Variants in RNF180 observed in about 807,000 individuals in gnomAD.
The protein encoded by RNF180 is E3 ubiquitin-protein ligase RNF180.
RNF180 carries 38 observed loss-of-function variants against 59.2 expected under a neutral mutation model. The observed-to-expected ratio is 0.64, with a 90% CI of 0.50 to 0.84. The LOEUF is 0.84. RNF180 is among the 40% of genes least tolerant of loss of function. The pLI is 0.00. For synonymous variants in RNF180, 262 were observed against 240.3 expected, an observed-to-expected ratio of 1.09 and a Z score of -0.84; for missense variants, 705 against 700.9, an observed-to-expected ratio of 1.01 and a Z score of -0.07.
At chr5:64,290,298 A>G (rs1207797982) in intron 5 of RNF180, among the ~76,000 whole-genome samples, 2 of 152,202 alleles carry the variant, frequency 1.3e-5, no homozygotes, top group Non-Finnish European at 2.9e-5. Context: ...ACTTCCGATT[A>G]TTTGATCAAT....
At chr5:64,286,587 A>T (rs1279185023) in intron 5 of RNF180, among the ~76,000 whole-genome samples, 1 of 152,352 alleles carries the variant, frequency 6.6e-6, no homozygotes, top group East Asian at 1.9e-4. Context: ...TTGACTCTTT[A>T]TCACTTTTTT....
At chr5:64,168,759 CA>C (rs199525996) in intron 1 of RNF180, among the ~76,000 whole-genome samples, 9 of 150,696 alleles carry the variant, frequency 6.0e-5, no homozygotes, top group South Asian at 4.2e-4. Context: ...TTGCTATTTC[CA>C]AAAAAAAAGT....
intron 5 of RNF180, among the ~76,000 whole-genome samples, chr5:64,239,692 TATC>T (rs1742681881): frequency 1.3e-5 from 2 of 152,156 alleles, no homozygotes; most frequent in South Asian, 2.1e-4. Flanking sequence ...ATGAGTCTGT[TATC>T]ATTGTCTTAA....
At chr5:64,355,840 A>G (rs1176675376) in intron 7 of RNF180, among the ~76,000 whole-genome samples, 2 of 151,912 alleles carry the variant, frequency 1.3e-5, no homozygotes, top group African/African-American at 4.8e-5. Context: ...GCTGATTTAC[A>G]TATGCAAAAG....
chr5:64,192,702 G>T (rs1025736137), intron 1 of RNF180, among the ~76,000 whole-genome samples: 6 of 151,504 alleles, frequency 4.0e-5, no homozygotes, highest in Admixed American at 1.3e-4. Context: ...ACAGTATGGA[G>T]GTCTTCAGAA....
intron 7 of RNF180, among the ~76,000 whole-genome samples, chr5:64,358,028 G>T (rs892545239): frequency 3.3e-5 from 5 of 151,820 alleles, no homozygotes; most frequent in African/African-American, 1.2e-4. Context: ...GGGAAAACAG[G>T]TCAGATTCAA....
At chr5:64,216,904 T>C (rs1752662148) in intron 4 of RNF180, among the ~76,000 whole-genome samples, 2 of 152,302 alleles carry the variant, frequency 1.3e-5, no homozygotes, top group Admixed American at 1.3e-4. Flanking sequence ...TACACACATG[T>C]AAAGGTTTAT....
chr5:64,249,736 T>G (rs1443291261), intron 5 of RNF180, among the ~76,000 whole-genome samples: 1 of 152,178 alleles, frequency 6.6e-6, no homozygotes, highest in African/African-American at 2.4e-5. Context: ...AACATGGTCA[T>G]TATGTAATGG....
At chr5:64,196,493 C>T (rs1751464363) in intron 1 of RNF180, among the ~76,000 whole-genome samples, 1 of 151,982 alleles carries the variant, frequency 6.6e-6, no homozygotes, top group Non-Finnish European at 1.5e-5. Flanking sequence ...TTTTTTGCAG[C>T]TTTTAAGATG....
At chr5:64,339,018 A>ATATC (rs1270536284) in intron 7 of RNF180, among the ~76,000 whole-genome samples, 21 of 151,880 alleles carry the variant, frequency 1.4e-4, no homozygotes, top group African/African-American at 5.1e-4. Context: ...CTAAGTTTAT[A>ATATC]TATCTTTTTG....
Position 64,184,799 on chromosome 5 carries a change from A to T in RNF180, c.1-16009A>T, listed in dbSNP as rs187768848. The stretch of plus-strand genomic sequence containing the variant: ...AGGAGGGGCAGATTCTCAAGGTCAC[A>T]TGCTAGTCTTCAATCCATGAGGAAA... On this transcript the variant is annotated intron_variant, in intron 1 of 7. Coordinates refer to ENST00000389100, the MANE Select transcript of RNF180 (RefSeq NM_001113561.2). Among the ~76,000 whole-genome samples, 794 of 152,304 alleles carry T rather than the reference A, an allele frequency of 5.2e-3. 7 individuals are homozygous for T. Among genetic ancestry groups the T allele is most frequent in the African/African-American group, 0.018 (760 of 41,566 alleles).
chr5:64,302,169 A>T (rs1304798153), intron 5 of RNF180, among the ~76,000 whole-genome samples: 1 of 151,516 alleles, frequency 6.6e-6, no homozygotes, highest in Non-Finnish European at 1.5e-5. Flanking sequence ...TGCCCCACAT[A>T]TACCCAATAT....
chr5:64,190,522 A>T (rs568327482), intron 1 of RNF180, among the ~76,000 whole-genome samples: 1 of 152,198 alleles, frequency 6.6e-6, no homozygotes, highest in East Asian at 1.9e-4. Flanking sequence ...GATGGAGTGG[A>T]TGTTTTTTTG....
At chr5:64,305,235 A>G (rs1326767902) in intron 5 of RNF180, among the ~76,000 whole-genome samples, 3 of 151,546 alleles carry the variant, frequency 2.0e-5, no homozygotes, top group Admixed American at 6.6e-5. Context: ...AGGTGTAGGT[A>G]TACTAGATTT....
intron 5 of RNF180, among the ~76,000 whole-genome samples, chr5:64,256,745 A>C (rs898633246): frequency 5.9e-5 from 9 of 152,182 alleles, no homozygotes; most frequent in South Asian, 4.1e-4. Flanking sequence ...GAAGAAAGCC[A>C]TTGGTAGCTT....
intron 5 of RNF180, among the ~76,000 whole-genome samples, chr5:64,263,299 C>A (rs574707502): frequency 3.5e-4 from 54 of 152,114 alleles, no homozygotes; most frequent in Admixed American, 1.8e-3. Context: ...AGTGAGAAGC[C>A]CCAATTTGTA....
chr5:64,223,500 A>G (rs535656084), intron 5 of RNF180, among the ~76,000 whole-genome samples: 58 of 152,236 alleles, frequency 3.8e-4, no homozygotes, highest in Admixed American at 1.6e-3. Context: ...ATTTGACACA[A>G]TTTTAGAGAT....
intron 7 of RNF180, among the ~76,000 whole-genome samples, chr5:64,335,391 A>T (rs926554445): frequency 1.3e-5 from 2 of 152,030 alleles, no homozygotes; most frequent in Admixed American, 6.5e-5. Context: ...CCCCAAGGTC[A>T]TAAAGATATT....
chr5:64,334,112 G>T (rs1317229676), intron 7 of RNF180, among the ~76,000 whole-genome samples: 1 of 152,110 alleles, frequency 6.6e-6, no homozygotes, highest in Non-Finnish European at 1.5e-5. Flanking sequence ...CAAACAAAAG[G>T]CTCCAGCAGT....
Sources: allele counts gnomAD v4.1 joint callset (sites outside exome capture counted in the v4.1 genomes callset), GRCh38; gene constraint gnomAD v4.1.1; transcripts MANE v1.5; gene names NCBI Gene and HGNC (gene_info 2026-07-23, HGNC 2026-07-21).